The following NFIB variants were observed in gnomAD, a reference collection of about 807,000 sequenced individuals.
NFIB encodes the protein nuclear factor 1 B-type.
NFIB carries 11 observed loss-of-function variants against 61.5 expected under a neutral mutation model. The observed-to-expected ratio is 0.18, with a 90% CI of 0.11 to 0.30. The LOEUF is 0.30. NFIB is among the 10% of genes least tolerant of loss of function. The pLI, the probability that NFIB is intolerant of heterozygous loss-of-function variation, is 1.00. For missense variants in NFIB, 471 were observed against 608.9 expected (o/e 0.77, Z 2.38); for synonymous variants, 260 against 216.5 (o/e 1.20, Z -1.76).
At chr9:14,426,350 C>T in the NFIB span, among the ~76,000 whole-genome samples, 1 of 152,134 alleles carries the variant, frequency 6.6e-6, no homozygotes, top group East Asian at 1.9e-4. Flanking sequence ...CTCTGTGATC[C>T]CATGAGGCTT....
intron 10 of NFIB, among the ~76,000 whole-genome samples, chr9:14,104,919 A>C (rs2036329492): frequency 6.6e-6 from 1 of 152,122 alleles, no homozygotes; most frequent in Admixed American, 6.5e-5. Flanking sequence ...CTCTCAGCTT[A>C]GGTTGGAGAA....
the NFIB span, among the ~76,000 whole-genome samples, chr9:14,517,099 T>C: frequency 6.6e-6 from 1 of 152,238 alleles, no homozygotes; most frequent in South Asian, 2.1e-4. Flanking sequence ...CCCCTTTTTC[T>C]GACTACCCCT....
At chr9:14,311,950 A>T (rs1026803278) in intron 1 of NFIB, among the ~76,000 whole-genome samples, 1 of 152,242 alleles carries the variant, frequency 6.6e-6, no homozygotes, top group Admixed American at 6.5e-5. Flanking sequence ...TTTTACAAGT[A>T]AAGGCAATTC....
At chr9:14,527,764 T>G in the NFIB span, among the ~76,000 whole-genome samples, 1 of 152,332 alleles carries the variant, frequency 6.6e-6, no homozygotes, top group East Asian at 1.9e-4. Flanking sequence ...TTATGGTTAT[T>G]ATATGTATGG....
In NFIB at chr9:14,150,071, T is replaced by C. The variant is rs542750094; in HGVS notation, c.806+74A>G. On this transcript the variant is annotated intron_variant, in intron 5 of 10. Transcript: ENST00000380953. ...CCATCTCTCTTTACCTACCTACCTA[T>C]CTATCTGCCTATCATCCACCTACGA... is the stretch of plus-strand genomic sequence containing the variant. 57 of 1,583,352 alleles carry C rather than the reference T, an allele frequency of 3.6e-5. No individual in the cohort carries two copies. The African/African-American group carries it at 3.9e-4, about 11-fold the overall frequency.
chr9:14,154,029 T>C (rs886630103), intron 4 of NFIB, among the ~76,000 whole-genome samples: 1 of 152,176 alleles, frequency 6.6e-6, no homozygotes, highest in Admixed American at 6.5e-5. Context: ...GTTTCTAGGA[T>C]ATGACATTAT....
At chr9:14,518,671 A>G in the NFIB span, among the ~76,000 whole-genome samples, 1 of 152,086 alleles carries the variant, frequency 6.6e-6, no homozygotes, top group African/African-American at 2.4e-5. Context: ...AAGAAAAAAA[A>G]AAGAGAGAAG....
At chr9:14,269,271 T>A (rs2057431798) in intron 2 of NFIB, among the ~76,000 whole-genome samples, 1 of 152,168 alleles carries the variant, frequency 6.6e-6, no homozygotes, top group East Asian at 1.9e-4. Context: ...AAAAGACAAA[T>A]TTTTCAAATT....
At chr9:14,450,403 G>C in the NFIB span, among the ~76,000 whole-genome samples, 2 of 152,188 alleles carry the variant, frequency 1.3e-5, no homozygotes, top group African/African-American at 4.8e-5. Context: ...TGCCCAAGAA[G>C]CTGAAGTTGA....
the NFIB span, among the ~76,000 whole-genome samples, chr9:14,513,696 T>A: frequency 6.6e-6 from 1 of 151,956 alleles, no homozygotes. Context: ...AAGCTATAGT[T>A]TTTTTTCTTT....
At chr9:14,215,394 CGAT>C (rs2131764801) in intron 2 of NFIB, among the ~76,000 whole-genome samples, 1 of 142,100 alleles carries the variant, frequency 7.0e-6, no homozygotes, top group South Asian at 2.1e-4. Context: ...TAAGAAGAAA[CGAT>C]TATTAAAAGT....
chr9:14,173,043 C>T (rs2045747401), intron 3 of NFIB, among the ~76,000 whole-genome samples: 1 of 152,336 alleles, frequency 6.6e-6, no homozygotes, highest in Non-Finnish European at 1.5e-5. Flanking sequence ...GCTGGGATTA[C>T]AATTCAACAC....
At chr9:14,127,775 T>G (rs923807867) in intron 6 of NFIB, among the ~76,000 whole-genome samples, 1 of 152,068 alleles carries the variant, frequency 6.6e-6, no homozygotes, top group African/African-American at 2.4e-5. Flanking sequence ...TGGTGGCATT[T>G]AAAGGATGAA....
In NFIB at chr9:14,235,954, T is replaced by C. The variant is rs182603836; in HGVS notation, c.563-56174A>G. ...ATTTAAACTCACAATAAAGAATCAA[T>C]GCCTGATATTGCATTATTTCCTAAA... On this transcript the variant is annotated intron_variant, in intron 2 of 10. Coordinates refer to ENST00000380953, the MANE Select transcript of NFIB (RefSeq NM_001190737.2). Among the ~76,000 whole-genome samples the C allele has an allele frequency of 3.3e-5, 5 of 152,332 alleles. No individual in the cohort carries two copies. The East Asian group carries it at 7.7e-4, about 24-fold the overall frequency.
chr9:14,386,357 A>G (rs1030800850), intron 1 of NFIB, among the ~76,000 whole-genome samples: 3 of 152,162 alleles, frequency 2.0e-5, no homozygotes, highest in African/African-American at 7.2e-5. Flanking sequence ...ACCCAAAAGA[A>G]CAGAGTCCAT....
At chr9:14,458,425 T>A in the NFIB span, among the ~76,000 whole-genome samples, 1 of 152,120 alleles carries the variant, frequency 6.6e-6, no homozygotes, top group African/African-American at 2.4e-5. Flanking sequence ...GAATGGGCAA[T>A]ATCTGGAAGC....
rs533686591 is a variant in NFIB at position 14,322,974 on chromosome 9, C to G, written c.109-15454G>C. The stretch of plus-strand genomic sequence containing the variant: ...CGGCCTTCTGGAGCAGGAACCCGGC[C>G]GAAAACGCCGCGGAAAGACTCTAAA... On this transcript the variant is annotated intron_variant, in intron 1 of 8. Coordinates refer to the NFIB transcript ENST00000380934. Among the ~76,000 whole-genome samples, 29 of 152,284 alleles carry G rather than the reference C, an allele frequency of 1.9e-4. No individual in the cohort carries two copies. In the East Asian group the frequency reaches 5.6e-3, roughly 30 times the overall value.
In NFIB at chr9:14,201,798, C is replaced by A. The variant is rs113966898; in HGVS notation, c.563-22018G>T. Among the ~76,000 whole-genome samples the A allele has an allele frequency of 4.7e-4, 70 of 147,800 alleles. No individual in the cohort carries two copies. In the East Asian group the frequency reaches 0.016, roughly 34 times the overall value. ...AATTCCCAAAAGAAAGACAAAGTAACCTTAAAAAAAAAAAGTCATAATGAG... is the reference window on the plus strand; with the variant it reads ...AATTCCCAAAAGAAAGACAAAGTAAACTTAAAAAAAAAAAGTCATAATGAG... On this transcript the variant is annotated intron_variant, in intron 2 of 10. Transcript: ENST00000380953.
intron 3 of NFIB, among the ~76,000 whole-genome samples, chr9:14,166,994 A>G (rs1432521454): frequency 6.7e-6 from 1 of 149,558 alleles, no homozygotes; most frequent in African/African-American, 2.4e-5. Context: ...TTTATTTTCA[A>G]AGATATGTCC....
Sources: allele counts gnomAD v4.1 joint callset (sites outside exome capture counted in the v4.1 genomes callset), GRCh38; gene constraint gnomAD v4.1.1; transcripts MANE v1.5; gene names NCBI Gene and HGNC (gene_info 2026-07-23, HGNC 2026-07-21).